POFUT3: variants seen among roughly 807,000 people sequenced by gnomAD.
POFUT3 encodes GDP-fucose protein O-fucosyltransferase 3.
the POFUT3 span, among the ~76,000 whole-genome samples, chr8:33,409,688 G>A: frequency 7.9e-5 from 12 of 152,186 alleles, no homozygotes; most frequent in African/African-American, 2.2e-4. Flanking sequence ...GGTAGATCAC[G>A]AGGTCAAGAG....
At chr8:33,467,947 G>C in the POFUT3 span, among the ~76,000 whole-genome samples, 3 of 152,100 alleles carry the variant, frequency 2.0e-5, no homozygotes, top group Non-Finnish European at 4.4e-5. Flanking sequence ...TCCGAACCTG[G>C]TAGTTTGTGA....
At chr8:33,448,186 AT>A in the POFUT3 span, among the ~76,000 whole-genome samples, 93 of 150,812 alleles carry the variant, frequency 6.2e-4, no homozygotes, top group African/African-American at 2.1e-3. Context: ...ACAAAAAAAA[AT>A]TTTTTTTTAT....
At chr8:33,403,482 G>A in the POFUT3 span, among the ~76,000 whole-genome samples, 3 of 151,952 alleles carry the variant, frequency 2.0e-5, no homozygotes, top group Non-Finnish European at 2.9e-5. Flanking sequence ...TTGGGAGGCC[G>A]AGGCAGGAGA....
the POFUT3 span, among the ~76,000 whole-genome samples, chr8:33,365,235 T>C: frequency 1.3e-5 from 2 of 152,190 alleles, no homozygotes; most frequent in Non-Finnish European, 2.9e-5. Context: ...GATCCCTTCC[T>C]TACACCTTAT....
At chr8:33,314,703 T>C in the POFUT3 span, among the ~76,000 whole-genome samples, 2 of 152,336 alleles carry the variant, frequency 1.3e-5, no homozygotes, top group Admixed American at 6.5e-5. Context: ...TTACTTGCTC[T>C]CTGTTTTTCG....
chr8:33,431,549 A>C, the POFUT3 span, among the ~76,000 whole-genome samples: 1 of 24,792 alleles, frequency 4.0e-5, no homozygotes, highest in Non-Finnish European at 6.6e-5. Context: ...CCCTGTCTCA[A>C]AAAAAAAAAA....
the POFUT3 span, among the ~76,000 whole-genome samples, chr8:33,431,546 TCAAAAAAAAAAAAAAAAAAAAAA>T: frequency 3.3e-5 from 1 of 30,018 alleles, no homozygotes; most frequent in African/African-American, 1.1e-4. Flanking sequence ...AGACCCTGTC[TCAAAAAAAAAAAAAAAAAAAAAA>T]AAAAAAAAAA....
the POFUT3 span, among the ~76,000 whole-genome samples, chr8:33,456,771 C>CTTTT: frequency 8.5e-6 from 1 of 117,324 alleles, no homozygotes; most frequent in Non-Finnish European, 1.8e-5. Context: ...TTTCTTTTTT[C>CTTTT]TTTTTTTTTT....
chr8:33,369,006 T>C, the POFUT3 span, among the ~76,000 whole-genome samples: 1 of 152,188 alleles, frequency 6.6e-6, no homozygotes, highest in Non-Finnish European at 1.5e-5. Flanking sequence ...TGGCGCCTAG[T>C]ACAATGCCTA....
At chr8:33,331,129 C>A in the POFUT3 span, among the ~76,000 whole-genome samples, 1 of 151,952 alleles carries the variant, frequency 6.6e-6, no homozygotes, top group Non-Finnish European at 1.5e-5. Flanking sequence ...CACCTGAGGT[C>A]AGGAGTTTCG....
the POFUT3 span, among the ~76,000 whole-genome samples, chr8:33,424,774 T>A: frequency 1.3e-5 from 2 of 152,142 alleles, no homozygotes; most frequent in African/African-American, 4.8e-5. Context: ...ACTAGAGGCC[T>A]CTACTCTGGT....
the POFUT3 span, among the ~76,000 whole-genome samples, chr8:33,438,441 C>T: frequency 2.6e-5 from 4 of 152,046 alleles, no homozygotes; most frequent in Admixed American, 6.6e-5. Flanking sequence ...TAGCCAGGTG[C>T]GGTGGCGCAT....
the POFUT3 span, among the ~76,000 whole-genome samples, chr8:33,336,110 A>G: frequency 5.9e-5 from 9 of 152,360 alleles, no homozygotes; most frequent in South Asian, 1.9e-3. Flanking sequence ...TACAGACACG[A>G]CACAATTTTA....
At chr8:33,460,458 T>A in the POFUT3 span, among the ~76,000 whole-genome samples, 1 of 152,230 alleles carries the variant, frequency 6.6e-6, no homozygotes, top group Non-Finnish European at 1.5e-5. Context: ...AGTTCATTCA[T>A]CCATACACAG....
the POFUT3 span, among the ~76,000 whole-genome samples, chr8:33,353,312 C>T: frequency 6.6e-6 from 1 of 152,156 alleles, no homozygotes; most frequent in African/African-American, 2.4e-5. Context: ...GAAGACTGTG[C>T]CTACATGATG....
the POFUT3 span, among the ~76,000 whole-genome samples, chr8:33,380,191 A>ATATATATACAC: frequency 1.8e-5 from 1 of 57,012 alleles, no homozygotes; most frequent in Admixed American, 2.8e-4. Context: ...TATATATACT[A>ATATATATACAC]TATATATATA....
the POFUT3 span, among the ~76,000 whole-genome samples, chr8:33,340,995 T>C: frequency 1.3e-5 from 2 of 152,172 alleles, no homozygotes; most frequent in Non-Finnish European, 2.9e-5. Flanking sequence ...ACATATTGTT[T>C]TTAAGCACTC....
the POFUT3 span, among the ~76,000 whole-genome samples, chr8:33,359,128 A>C: frequency 1.3e-5 from 2 of 152,356 alleles, no homozygotes; most frequent in East Asian, 3.9e-4. Flanking sequence ...ACTTTCAAAC[A>C]GCAAAAAAAT....
chr8:33,462,941 A>C, the POFUT3 span, among the ~76,000 whole-genome samples: 1 of 152,004 alleles, frequency 6.6e-6, no homozygotes, highest in Non-Finnish European at 1.5e-5. Context: ...AAAAAAAAAA[A>C]AGGTAAAAAA....
Sources: allele counts gnomAD v4.1 joint callset (sites outside exome capture counted in the v4.1 genomes callset), GRCh38; gene constraint gnomAD v4.1.1; transcripts MANE v1.5; gene names NCBI Gene and HGNC (gene_info 2026-07-23, HGNC 2026-07-21).